The following HR variants were observed in gnomAD, a reference collection of about 807,000 sequenced individuals.
HR encodes the protein HR lysine demethylase and nuclear receptor corepressor.
HR carries 83 observed loss-of-function variants against 128.6 expected under a neutral mutation model. The ratio of observed to expected loss-of-function variants is 0.65; its 90% confidence interval spans 0.54 to 0.77. The LOEUF (loss-of-function observed/expected upper bound fraction) is 0.77. HR is among the 30% of genes least tolerant of loss of function. The pLI, the probability that HR is intolerant of heterozygous loss-of-function variation, is 0.00. For missense variants in HR, 1,490 were observed against 1,574.6 expected (o/e 0.95, Z 0.91); for synonymous variants, 681 against 658.2 (o/e 1.03, Z -0.53).
intron 12 of HR, 51 bp downstream of exon 12, chr8:22,120,291 C>T (rs199690038): frequency 1.6e-4 from 265 of 1,613,262 alleles, no homozygotes; most frequent in Non-Finnish European, 2.1e-4. Context: ...GCCACCCGAT[C>T]CCTAGGGCTT....
chr8:22,125,854 T>G, intron 3 of HR, 122 bp from the exon 4 acceptor site: 1 of 1,145,274 alleles, frequency 8.7e-7, no homozygotes, highest in Non-Finnish European at 1.2e-6. Context: ...CCCAGGTCTC[T>G]GAAGCCTAAT....
rs748342044 is a variant in HR at position 22,125,314 on chromosome 8, C to T, written c.1747G>A (p.Glu583Lys). Residue 583 changes from glutamate to lysine, a missense_variant, in exon 5 of 19, where the codon GAA becomes AAA. Glu to Lys is a moderately conservative substitution (Grantham distance 56). Around this residue, in one of 3 missense-constraint regions of HR, gnomAD observed 1,060 missense variants for 1,060.9 expected, o/e 1.00. Transcript: ENST00000381418. ...EREALAWAQREGQGPAVTEDS... is the reference protein window; with the variant it reads ...EREALAWAQRKGQGPAVTEDS... ...AGACCCAGGAGGTCCTGTTCACCTT[C>T]CCGCTGGGCCCAAGCCAGGGCCTCC... 58 of 1,571,290 alleles carry T rather than the reference C, an allele frequency of 3.7e-5. No homozygotes were observed. The highest frequency in any genetic ancestry group is 4.7e-5 in the Non-Finnish European group (55 of 1,158,930).
intron 14 of HR, among the ~76,000 whole-genome samples, chr8:22,119,525 T>C (rs997823015): frequency 4.0e-5 from 6 of 151,492 alleles, no homozygotes; most frequent in Non-Finnish European, 8.8e-5. Flanking sequence ...GAGAATTGCT[T>C]GAACCTGGGA....
upstream of HR, chr8:22,131,010 TGA>T (rs1196479904): frequency 6.6e-6 from 1 of 151,846 alleles, no homozygotes; most frequent in Admixed American, 6.6e-5. Context: ...GAAGCGCAAC[TGA>T]GAGTGGGGAA....
intron 8 of HR, among the ~76,000 whole-genome samples, 197 bp from the exon 9 acceptor site, chr8:22,121,891 G>A (rs1421104791): frequency 1.3e-5 from 2 of 152,182 alleles, no homozygotes; most frequent in Admixed American, 6.5e-5. Context: ...AGGGTCTATA[G>A]TCTACTAAAA....
chr8:22,129,180 G>C lies in HR; in HGVS notation c.-10C>G. On this transcript the variant is annotated 5_prime_UTR_variant, in exon 2 of 19. Transcript: ENST00000381418. ...TGGGCGTACTCTCCATCACTCTCCTGCCCTCATGGGGCTCTCCCAGAGGGG... is the reference window on the plus strand; with the variant it reads ...TGGGCGTACTCTCCATCACTCTCCTCCCCTCATGGGGCTCTCCCAGAGGGG... 2 of 1,523,456 alleles carry C rather than the reference G, an allele frequency of 1.3e-6. No homozygotes were observed. The highest frequency in any genetic ancestry group is 2.7e-5 in the South Asian group (2 of 75,384). 94.4% of individuals were successfully genotyped at this position (1,523,456 alleles called of 1,614,324 possible).
In HR at chr8:22,123,701, CAG is replaced by C. The variant is rs1563180682; in HGVS notation, c.1861_1862del (p.Leu621ValfsTer64). 5 of 1,564,892 alleles carry C rather than the reference CAG, an allele frequency of 3.2e-6. No homozygotes were observed. The highest frequency in any genetic ancestry group is 4.3e-6 in the Non-Finnish European group (5 of 1,161,842). On this transcript the variant is annotated frameshift_variant, in exon 6 of 19. Coordinates refer to ENST00000381418, the MANE Select transcript of HR (RefSeq NM_005144.5). LOFTEE classifies it high-confidence loss of function. ...HWRCPRCSHR[L>X]CVACGRVAGT... is the part of the protein sequence containing the mutation. ...CTGCCACACGACCACAGGCCACACA[CAG>C]CCGGTGGCTGCAGCGGGGACATCGC...
In HR at chr8:22,121,717, C is replaced by A. The variant is rs375383345; in HGVS notation, c.2122-23G>T. 9.3e-6 allele frequency: 15 copies of A among 1,608,806 alleles called. No individual in the cohort carries two copies. The African/African-American group carries it at 1.7e-4, about 19-fold the overall frequency. On this transcript the variant is annotated intron_variant, in intron 8 of 18. Coordinates refer to ENST00000381418, the MANE Select transcript of HR (RefSeq NM_005144.5). ...CTTCTGTTAAACCCATCCACCACCC[C>A]CCCAATCCAACCAGAGATTTTAAAA...
chr8:22,115,880 C>A, intron 18 of HR, 118 bp from the exon 19 acceptor site: 1 of 1,038,900 alleles, frequency 9.6e-7, no homozygotes. Flanking sequence ...CCTGTAATCC[C>A]AGCACTTTGG....
In HR at chr8:22,127,431, A is replaced by G; in HGVS notation, c.1011T>C (p.Gly337=). The part of the protein sequence containing the change: ...CSSYPPTKGG[G]LGPCGKCQEG... Reference sequence around the variant, plus strand: ...CCTGGCACTTCCCACAAGGGCCAAGACCCCCACCTTTAGTGGGTGGGTAGG... The same window carrying G: ...CCTGGCACTTCCCACAAGGGCCAAGGCCCCCACCTTTAGTGGGTGGGTAGG... The change falls in exon 3 of 19, where the codon GGT becomes GGC. Residue 337 remains glycine, a synonymous_variant. Transcript: ENST00000381418. 6.2e-7 allele frequency: 1 copy of G among 1,612,562 alleles called. No individual in the cohort carries two copies. Among genetic ancestry groups the G allele is most frequent in the South Asian group, 1.1e-5 (1 of 91,062 alleles).
chr8:22,115,595 C>T lies in HR; in HGVS notation c.*105G>A, dbSNP rs939419430. The T allele has an allele frequency of 9.9e-7, 1 of 1,007,062 alleles. No homozygotes were observed. The highest frequency in any genetic ancestry group is 1.6e-6 in the Non-Finnish European group (1 of 643,128). 62.4% of individuals were successfully genotyped at this position (1,007,062 alleles called of 1,614,324 possible). On this transcript the variant is annotated 3_prime_UTR_variant, in exon 19 of 19. Coordinates refer to ENST00000381418, the MANE Select transcript of HR (RefSeq NM_005144.5). ...CCCAGAGTGGTGCTTGTGGGGTTGA[C>T]CAGAAATCCCCAAGTCCCCTAGCGC...
rs917100149 is a variant in HR, at chr8:22,120,746, G to A, written c.2580C>T (p.His860=). Residue 860 remains histidine, a synonymous_variant, in exon 11 of 19, where the codon CAC becomes CAT. Coordinates refer to ENST00000381418, the MANE Select transcript of HR (RefSeq NM_005144.5). ...EPQPCPRRGF[H]LFQEHWRQGQ... ...CCTGCCTCCAGTGCTCCTGGAAGAG[G>A]TGGAAGCCACGCCGAGGGCAAGGCT... The A allele has an allele frequency of 4.0e-6, 6 of 1,510,552 alleles. No individual in the cohort carries two copies. The African/African-American group carries it at 8.3e-5, about 21-fold the overall frequency. The allele number at this position is 1,510,552 out of a possible 1,614,324, so 93.6% of individuals were successfully genotyped here.
intron 2 of HR, 71 bp downstream of exon 2, chr8:22,128,488 G>C (rs1441205838): frequency 6.3e-7 from 1 of 1,590,726 alleles, no homozygotes; most frequent in Non-Finnish European, 8.6e-7. Context: ...ACAGTGGAAG[G>C]GCATCTTGGG....
intron 16 of HR, chr8:22,118,695 C>G: frequency 1.8e-6 from 1 of 566,958 alleles, no homozygotes. Flanking sequence ...CGTCCAGCCT[C>G]GGGCAGCTGG....
chr8:22,115,793 C>G, intron 18 of HR, 31 bp from the exon 19 acceptor site: 2 of 1,607,790 alleles, frequency 1.2e-6, no homozygotes, highest in Non-Finnish European at 1.7e-6. Context: ...AAAGCATTTT[C>G]AACTACATTC....
intron 5 of HR, 111 bp from the exon 6 acceptor site, chr8:22,123,924 A>G (rs1826822573): frequency 1.6e-6 from 2 of 1,266,168 alleles, no homozygotes; most frequent in African/African-American, 1.5e-5. Flanking sequence ...AGCAGCTTCC[A>G]TGGAGAGGGC....
At chr8:22,118,721 A>T in intron 16 of HR, 1 of 583,726 alleles carries the variant, frequency 1.7e-6, no homozygotes, top group Non-Finnish European at 3.1e-6. Context: ...TCATTTCATC[A>T]TCGGGTCCAG....
chr8:22,126,028 C>G (rs1043804425), intron 3 of HR, among the ~76,000 whole-genome samples: 4 of 152,224 alleles, frequency 2.6e-5, no homozygotes, highest in Admixed American at 6.5e-5. Context: ...GACACAAGTG[C>G]AGGATCCAGC....
rs911442182 is a variant in HR, at chr8:22,115,376, C to T, written c.*324G>A. The T allele has an allele frequency of 1.0e-5, 5 of 500,916 alleles. No homozygotes were observed. The Admixed American group carries it at 1.6e-4, about 16-fold the overall frequency. The allele number at this position is 500,916 out of a possible 1,614,324, so 31.0% of individuals were successfully genotyped here. A position where few individuals can be genotyped will look rare whatever the true frequency, so the allele number is the denominator to read the frequency against. ...AGCCAGAATGATTCCCAAGTTTCCC[C>T]AAGGAAGGGCTGTTTGTCTCCTGGG... On this transcript the variant is annotated 3_prime_UTR_variant, in exon 19 of 19. Transcript: ENST00000381418.
Sources: allele counts gnomAD v4.1 joint callset (sites outside exome capture counted in the v4.1 genomes callset), GRCh38; gene constraint gnomAD v4.1.1; regional missense constraint gnomAD v4.1.1; transcripts MANE v1.5; gene names NCBI Gene and HGNC (gene_info 2026-07-23, HGNC 2026-07-21).